The following SLC44A4 variants were observed in gnomAD, a reference collection of about 807,000 sequenced individuals.
SLC44A4 encodes choline transporter-like protein 4.
SLC44A4 carries 74 observed loss-of-function variants against 97.0 expected under a neutral mutation model. That is an observed-to-expected ratio of 0.76 (90% confidence interval 0.63 to 0.93). The LOEUF (loss-of-function observed/expected upper bound fraction) is 0.93, where lower values mean the gene tolerates loss of function less well. SLC44A4 is among the 40% of genes least tolerant of loss of function. The pLI, the probability that SLC44A4 is intolerant of heterozygous loss-of-function variation, is 0.00. For synonymous variants in SLC44A4, 325 were observed against 363.8 expected, an observed-to-expected ratio of 0.89 and a Z score of 1.21; for missense variants, 799 against 902.9, an observed-to-expected ratio of 0.88 and a Z score of 1.48.
rs759362633 is a variant in SLC44A4 at position 31,869,242 on chromosome 6, C to G, written c.1146G>C (p.Ser382=). Residue 382 remains serine (S), a synonymous_variant, in exon 13 of 21, where the codon TCG becomes TCC. Coordinates refer to ENST00000229729, the MANE Select transcript of SLC44A4 (RefSeq NM_025257.3). ...WAMTALYLAT[S]GQPQYVLWAS... is the part of the protein sequence containing the mutation. Reference sequence around the variant, plus strand: ...CCCAGAGCACATACTGGGGTTGCCCCGATGTAGCCAGGTACCCAGAGGGGA... The same window carrying G: ...CCCAGAGCACATACTGGGGTTGCCCGGATGTAGCCAGGTACCCAGAGGGGA... 6.2e-7 allele frequency: 1 copy of G among 1,606,816 alleles called. No homozygotes were observed. The highest frequency in any genetic ancestry group is 1.3e-5 in the African/African-American group (1 of 74,674).
rs1762668326 is a variant in SLC44A4 at position 31,863,575 on chromosome 6, G to C, written c.*52C>G. 6.4e-7 allele frequency: 1 copy of C among 1,565,666 alleles called. No homozygotes were observed. Among genetic ancestry groups the C allele is most frequent in the Admixed American group, 2.0e-5 (1 of 49,080 alleles). On this transcript the variant is annotated 3_prime_UTR_variant, in exon 21 of 21. Transcript: ENST00000229729. ...GAGACCTGTAAGGCGAAGTGAGGTTGGATGGCTGGACGGTGGGGGTGGGGT... is the reference window on the plus strand; with the variant it reads ...GAGACCTGTAAGGCGAAGTGAGGTTCGATGGCTGGACGGTGGGGGTGGGGT...
intron 7 of SLC44A4, among the ~76,000 whole-genome samples, chr6:31,871,931 C>T (rs779639350): frequency 6.6e-6 from 1 of 152,116 alleles, no homozygotes; most frequent in Non-Finnish European, 1.5e-5. Context: ...AGGCTCTGCC[C>T]CAGAGACAGC....
chr6:31,869,613 G>C lies in SLC44A4; in HGVS notation c.1062C>G (p.Thr354=). ...CAAAGGTGACCAGTGGGTAGAACAT[G>C]GTAGACATCATCTGTCCCACAGCCC... is the stretch of plus-strand genomic sequence containing the variant. ...ASKAVGQMMS[T]MFYPLVTFVL... The change falls in exon 12 of 21, where the codon ACC becomes ACG. Residue 354 remains threonine (T), a synonymous_variant. Coordinates refer to ENST00000229729, the MANE Select transcript of SLC44A4 (RefSeq NM_025257.3). 6.2e-7 allele frequency: 1 copy of C among 1,604,724 alleles called. No homozygotes were observed. The highest frequency in any genetic ancestry group is 1.1e-5 in the South Asian group (1 of 89,154).
intron 20 of SLC44A4, chr6:31,864,415 T>C (rs2151551536): frequency 1.7e-6 from 1 of 590,470 alleles, no homozygotes; most frequent in Non-Finnish European, 3.0e-6. Flanking sequence ...TTAGGGAAGA[T>C]AGCAGAGACC....
chr6:31,864,998 C>T lies in SLC44A4; in HGVS notation c.1831+12G>A, dbSNP rs1762770385. On this transcript the variant is annotated intron_variant, in intron 18 of 20. Coordinates refer to ENST00000229729, the MANE Select transcript of SLC44A4 (RefSeq NM_025257.3). ...CCCCTACCCTCTGTCCCCACAGCTT[C>T]TGGTCCCTTACCCACGCCTCCGACC... 1 of 1,614,054 alleles carries T rather than the reference C, an allele frequency of 6.2e-7. No individual in the cohort carries two copies. The highest frequency in any genetic ancestry group is 8.5e-7 in the Non-Finnish European group (1 of 1,180,032).
intron 11 of SLC44A4, 27 bp downstream of exon 11, chr6:31,870,576 C>G: frequency 6.4e-7 from 1 of 1,556,304 alleles, no homozygotes; most frequent in South Asian, 1.2e-5. Context: ...GTCCTCAACC[C>G]CATCTCCCTC....
At position 31,874,852 on chromosome 6, in the gene SLC44A4, T is replaced by G; in HGVS notation, c.343-6A>C. The G allele has an allele frequency of 6.2e-7, 1 of 1,612,500 alleles. No individual in the cohort carries two copies. Among genetic ancestry groups the G allele is most frequent in the Non-Finnish European group, 8.5e-7 (1 of 1,179,238 alleles). On this transcript the variant is annotated splice_region_variant and splice_polypyrimidine_tract_variant and intron_variant, in intron 5 of 20. Transcript: ENST00000229729. The surrounding 1 kb of genome is among the most constrained non-coding windows in gnomAD (Gnocchi z 4.8). The stretch of plus-strand genomic sequence containing the variant: ...GGGCAGGAGGACACACACACCTGGG[T>G]GCAGAGAGAACACTAAGGGGCTGGA...
chr6:31,874,649 C>T lies in SLC44A4; in HGVS notation c.468+72G>A. 1 of 1,564,712 alleles carries T rather than the reference C, an allele frequency of 6.4e-7. No individual in the cohort carries two copies. The highest frequency in any genetic ancestry group is 1.4e-5 in the African/African-American group (1 of 73,738). On this transcript the variant is annotated intron_variant, in intron 6 of 20. Transcript: ENST00000229729. The surrounding 1 kb of genome is among the most constrained non-coding windows in gnomAD (Gnocchi z 4.8). Reference sequence around the variant, plus strand: ...AGAGCCAACCTGGTGATGATCTACCCAACTCCCCCTCCCTCTCGTGCCCAC... The same window carrying T: ...AGAGCCAACCTGGTGATGATCTACCTAACTCCCCCTCCCTCTCGTGCCCAC...
At position 31,864,865 on chromosome 6, in the gene SLC44A4, C is replaced by T. The variant is rs1278152206; in HGVS notation, c.1877G>A (p.Gly626Asp). The T allele has an allele frequency of 6.2e-7, 1 of 1,614,012 alleles. No individual in the cohort carries two copies. Among genetic ancestry groups the T allele is most frequent in the Non-Finnish European group, 8.5e-7 (1 of 1,179,982 alleles). The part of the protein sequence containing the change: ...FFFSGRIPGL[G>D]KDFKSPHLNY... ...GAGGTGGGGGCTCTTAAAGTCTTTA[C>T]CCAGCCCCGGGATGCGACCGGAGAA... Residue 626 changes from glycine to aspartate, a missense_variant, in exon 19 of 21, where the codon GGT becomes GAT. Physicochemically the swap from Gly to Asp is moderately conservative, Grantham distance 94 (BLOSUM62 -1). This residue lies in a region of SLC44A4 where 379 missense variants were observed against 438.3 expected (regional missense o/e 0.86). Transcript: ENST00000229729.
Position 31,878,838 on chromosome 6 carries a change from T to C in SLC44A4, c.40+103A>G. 7.4e-7 allele frequency: 1 copy of C among 1,343,418 alleles called. No individual in the cohort carries two copies. The highest frequency in any genetic ancestry group is 1.1e-6 in the Non-Finnish European group (1 of 936,450). The allele number at this position is 1,343,418 out of a possible 1,614,324, so 83.2% of individuals were successfully genotyped here. A position where few individuals can be genotyped will look rare whatever the true frequency, so the allele number is the denominator to read the frequency against. ...CCGGGCCCTCCCCTCAGGGACACAG[T>C]ACTCTCCTTAGTTCCTCTCCCTGGA... On this transcript the variant is annotated intron_variant, in intron 1 of 20. Coordinates refer to ENST00000229729, the MANE Select transcript of SLC44A4 (RefSeq NM_025257.3). This position sits in a 1 kb window ranked among gnomAD's most constrained non-coding sequence, Gnocchi z 4.0.
chr6:31,863,438 G>C lies in SLC44A4; in HGVS notation c.*189C>G. The C allele has an allele frequency of 1.4e-6, 1 of 699,514 alleles. No individual in the cohort carries two copies. Among genetic ancestry groups the C allele is most frequent in the Non-Finnish European group, 2.2e-6 (1 of 455,526 alleles). 43.3% of individuals were successfully genotyped at this position (699,514 alleles called of 1,614,324 possible). ...ACGGAGGTTTCACCATGTTGGCCAG[G>C]CTGGTCTCGAACTCCTGACTCAGGT... On this transcript the variant is annotated 3_prime_UTR_variant, in exon 21 of 21. Transcript: ENST00000229729.
Position 31,878,941 on chromosome 6 carries a change from CG to C in SLC44A4, c.39del (p.Tyr13Ter). 6.2e-7 allele frequency: 1 copy of C among 1,613,586 alleles called. No individual in the cohort carries two copies. Among genetic ancestry groups the C allele is most frequent in the Non-Finnish European group, 8.5e-7 (1 of 1,179,736 alleles). ...GTCCCGGGCCTCGCCCCAGTCTCAC[CG>C]TAGGCCTCGTCATCCTCGTCCCGCT... Reference protein sequence around the residue: ...GKQRDEDDEAYGKPVKYDPSF... With the variant: ...GKQRDEDDEAXGKPVKYDPSF... On this transcript the variant is annotated frameshift_variant and splice_region_variant, in exon 1 of 21. Transcript: ENST00000229729. LOFTEE classifies it high-confidence loss of function. This position sits in a 1 kb window ranked among gnomAD's most constrained non-coding sequence, Gnocchi z 4.0.
intron 4 of SLC44A4, 22 bp downstream of exon 4, chr6:31,875,830 C>T (rs1327557188): frequency 2.5e-6 from 4 of 1,588,482 alleles, no homozygotes; most frequent in Non-Finnish European, 2.6e-6. Flanking sequence ...TCCTGCACTC[C>T]TCTTCTCGCC....
Position 31,878,004 on chromosome 6 carries a change from C to G in SLC44A4, c.41-922G>C, listed in dbSNP as rs1391431546. 1.3e-5 allele frequency: 2 copies of G among 152,090 alleles called. No homozygotes were observed. The highest frequency in any genetic ancestry group is 2.9e-5 in the Non-Finnish European group (2 of 68,038). 9.4% of individuals were successfully genotyped at this position (152,090 alleles called of 1,614,324 possible). A position where few individuals can be genotyped will look rare whatever the true frequency, so the allele number is the denominator to read the frequency against. ...TGCTCCCCTATGGCCCTAAGGGACT[C>G]AAGCCTCTCCTCGAGAAGGTCCCTC... On this transcript the variant is annotated intron_variant, in intron 1 of 20. Coordinates refer to ENST00000229729, the MANE Select transcript of SLC44A4 (RefSeq NM_025257.3). This position sits in a 1 kb window ranked among gnomAD's most constrained non-coding sequence, Gnocchi z 4.0.
chr6:31,863,853 C>T, intron 20 of SLC44A4, 105 bp from the exon 21 acceptor site: 6 of 1,482,136 alleles, frequency 4.0e-6, no homozygotes, highest in Non-Finnish European at 5.5e-6. Context: ...CACCACCACC[C>T]TTACCCCCGG....
chr6:31,864,860 C>T lies in SLC44A4; in HGVS notation c.1882G>A (p.Asp628Asn). 1 of 1,614,008 alleles carries T rather than the reference C, an allele frequency of 6.2e-7. No homozygotes were observed. Among genetic ancestry groups the T allele is most frequent in the Non-Finnish European group, 8.5e-7 (1 of 1,180,000 alleles). Residue 628 changes from aspartate to asparagine, a missense_variant, in exon 19 of 21, where the codon GAC becomes AAC. Transcript: ENST00000229729. ...FSGRIPGLGK[D>N]FKSPHLNYYW... Reference sequence around the variant, plus strand: ...TAGTTGAGGTGGGGGCTCTTAAAGTCTTTACCCAGCCCCGGGATGCGACCG... The same window carrying T: ...TAGTTGAGGTGGGGGCTCTTAAAGTTTTTACCCAGCCCCGGGATGCGACCG...
Position 31,874,346 on chromosome 6 carries a change from A to C in SLC44A4, c.529+114T>G. ...AAAATGAAGACCTGATGCTAATTCC[A>C]ATTTTGCCACCAACAAGCTATGTGA... On this transcript the variant is annotated intron_variant, in intron 7 of 20. Coordinates refer to ENST00000229729, the MANE Select transcript of SLC44A4 (RefSeq NM_025257.3). This position sits in a 1 kb window ranked among gnomAD's most constrained non-coding sequence, Gnocchi z 4.8. The C allele has an allele frequency of 8.5e-7, 1 of 1,182,236 alleles. No individual in the cohort carries two copies. Among genetic ancestry groups the C allele is most frequent in the Non-Finnish European group, 1.2e-6 (1 of 805,598 alleles). 73.2% of individuals were successfully genotyped at this position (1,182,236 alleles called of 1,614,324 possible).
intron 20 of SLC44A4, 144 bp from the exon 21 acceptor site, chr6:31,863,892 G>T: frequency 9.5e-7 from 1 of 1,049,026 alleles, no homozygotes; most frequent in Non-Finnish European, 1.4e-6. Flanking sequence ...GTTTCCTCCT[G>T]TGAAGTGGGG....
At position 31,863,690 on chromosome 6, in the gene SLC44A4, G is replaced by A; in HGVS notation, c.2070C>T (p.Ser690=). 1 of 1,612,330 alleles carries A rather than the reference G, an allele frequency of 6.2e-7. No homozygotes were observed. The highest frequency in any genetic ancestry group is 8.5e-7 in the Non-Finnish European group (1 of 1,179,714). The change falls in exon 21 of 21, where the codon AGC becomes AGT. Residue 690 remains serine (S), a synonymous_variant. Coordinates refer to ENST00000229729, the MANE Select transcript of SLC44A4 (RefSeq NM_025257.3). Reference sequence around the variant, plus strand: ...TCTTCTTGCCCAGAATCTTTAGAAGGCTCTTGGACATGTAGTAGGGCCGGT... The same window carrying A: ...TCTTCTTGCCCAGAATCTTTAGAAGACTCTTGGACATGTAGTAGGGCCGGT... ...SLDRPYYMSK[S]LLKILGKKNE...
Sources: gnomAD v4.1 joint callset for allele counts (sites outside exome capture counted in the v4.1 genomes callset) on GRCh38, gnomAD v4.1.1 for gene constraint, gnomAD v4.1.1 regional missense constraint, Gnocchi (gnomAD v3.1) non-coding constraint, MANE v1.5 for transcripts, NCBI Gene and HGNC (gene_info 2026-07-23, HGNC 2026-07-21) for gene names.